UBAP2: variants seen among roughly 807,000 people sequenced by gnomAD.
The protein encoded by UBAP2 is ubiquitin-associated protein 2.
A neutral mutation model predicts 139.6 loss-of-function variants in UBAP2; 75 were observed. The ratio of observed to expected loss-of-function variants is 0.54; its 90% confidence interval spans 0.45 to 0.65. The LOEUF (loss-of-function observed/expected upper bound fraction) is 0.65. Among genes scored for constraint, UBAP2 ranks in the 30% least tolerant of loss-of-function variants. The pLI is 0.00. For missense variants in UBAP2, 1,368 were observed against 1,369.6 expected, an observed-to-expected ratio of 1.00 and a Z score of 0.02; for synonymous variants, 526 against 526.2, an observed-to-expected ratio of 1.00 and a Z score of 0.01.
intron 1 of UBAP2, among the ~76,000 whole-genome samples, chr9:34,047,860 C>G (rs1827742903): frequency 6.6e-6 from 1 of 152,220 alleles, no homozygotes; most frequent in African/African-American, 2.4e-5. Flanking sequence ...TTAGGATACA[C>G]TGGTGCTGTA....
chr9:33,996,169 T>G, intron 4 of UBAP2, 54 bp downstream of exon 4: 1 of 1,356,802 alleles, frequency 7.4e-7, no homozygotes, highest in East Asian at 2.3e-5. Flanking sequence ...GTTGAAAATG[T>G]GCTACGGAAT....
intron 10 of UBAP2, among the ~76,000 whole-genome samples, chr9:33,960,393 C>T (rs893133556): frequency 2.6e-5 from 4 of 152,156 alleles, no homozygotes; most frequent in Admixed American, 1.3e-4. Flanking sequence ...ACCCTGGCTA[C>T]GATACATGCC....
chr9:34,033,390 T>G (rs1395487382), intron 1 of UBAP2, among the ~76,000 whole-genome samples: 1 of 152,174 alleles, frequency 6.6e-6, no homozygotes, highest in East Asian at 1.9e-4. Flanking sequence ...TGTTCTCACT[T>G]AGTTGTGGGA....
intron 2 of UBAP2, among the ~76,000 whole-genome samples, chr9:34,004,652 C>T (rs879497064): frequency 2.6e-5 from 4 of 151,536 alleles, no homozygotes; most frequent in Non-Finnish European, 5.9e-5. Flanking sequence ...AGCGTGGTGG[C>T]GGGCACCTGT....
chr9:34,039,191 G>C (rs1359739731), intron 1 of UBAP2, among the ~76,000 whole-genome samples: 1 of 151,290 alleles, frequency 6.6e-6, no homozygotes, highest in Non-Finnish European at 1.5e-5. Context: ...GGAGGGAGGT[G>C]GGGGGCAGCC....
At chr9:33,922,623 C>T (rs1337340238) in intron 28 of UBAP2, 24 bp from the exon 29 acceptor site, 1 of 1,608,206 alleles carries the variant, frequency 6.2e-7, no homozygotes, top group East Asian at 2.2e-5. Context: ...GAAGGGAAGG[C>T]TGTCAAGGCT....
chr9:34,030,070 G>A (rs957262891), intron 1 of UBAP2, among the ~76,000 whole-genome samples: 1 of 152,066 alleles, frequency 6.6e-6, no homozygotes, highest in Admixed American at 6.6e-5. Flanking sequence ...AGAGGCTGTG[G>A]CAGGAGAGCA....
intron 10 of UBAP2, 121 bp downstream of exon 10, chr9:33,960,704 TG>T: frequency 1.2e-6 from 1 of 862,474 alleles, no homozygotes; most frequent in Non-Finnish European, 1.8e-6. Flanking sequence ...TGCTTGAATC[TG>T]GGAGGCAGAG....
At chr9:33,924,086 G>C in intron 23 of UBAP2, 86 bp from the exon 24 acceptor site, 2 of 1,588,314 alleles carry the variant, frequency 1.3e-6, no homozygotes, top group Non-Finnish European at 1.7e-6. Flanking sequence ...AACAGGTCTG[G>C]CTGCCAGCTC....
chr9:33,953,158 C>T, intron 12 of UBAP2, 127 bp downstream of exon 12: 1 of 951,574 alleles, frequency 1.1e-6, no homozygotes. Flanking sequence ...CATGAGCCAT[C>T]ATGCCCGGCC....
intron 12 of UBAP2, 140 bp from the exon 13 acceptor site, chr9:33,948,727 ATAC>A (rs1306670881): frequency 1.3e-5 from 8 of 627,992 alleles, no homozygotes; most frequent in African/African-American, 1.1e-4. Context: ...AACTTAGAAA[ATAC>A]TACATGAAAA....
At chr9:33,982,441 G>A (rs1013417719) in intron 6 of UBAP2, among the ~76,000 whole-genome samples, 2 of 152,138 alleles carry the variant, frequency 1.3e-5, no homozygotes, top group Non-Finnish European at 2.9e-5. Flanking sequence ...AAAATAGGTA[G>A]GTAGTTTGCC....
intron 2 of UBAP2, among the ~76,000 whole-genome samples, chr9:34,005,707 A>G (rs1823146581): frequency 6.6e-6 from 1 of 152,170 alleles, no homozygotes; most frequent in South Asian, 2.1e-4. Flanking sequence ...AAAAGAAAGC[A>G]AAGTGTCAAA....
chr9:33,983,791 T>G (rs557142112), intron 6 of UBAP2, among the ~76,000 whole-genome samples: 7 of 152,312 alleles, frequency 4.6e-5, no homozygotes, highest in African/African-American at 1.4e-4. Context: ...TACAGAAACC[T>G]GGTCCTAAAT....
At chr9:33,926,947 C>G (rs767664485) in intron 21 of UBAP2, 42 bp downstream of exon 21, 10 of 1,594,322 alleles carry the variant, frequency 6.3e-6, no homozygotes, top group Middle Eastern at 1.7e-4. Flanking sequence ...GCCCCCGAGG[C>G]CAGGGGAGCT....
At chr9:34,012,081 T>C (rs1823800442) in intron 2 of UBAP2, among the ~76,000 whole-genome samples, 2 of 152,228 alleles carry the variant, frequency 1.3e-5, no homozygotes, top group Admixed American at 1.3e-4. Context: ...TCAGGAAGTA[T>C]ACCTTTTCTA....
At chr9:33,955,348 G>A (rs886532797) in intron 11 of UBAP2, among the ~76,000 whole-genome samples, 2 of 151,858 alleles carry the variant, frequency 1.3e-5, no homozygotes, top group Admixed American at 6.6e-5. Flanking sequence ...GTGAAACCCC[G>A]TCTCCACTAA....
At chr9:34,010,427 TAAAAAA>T (rs57695373) in intron 2 of UBAP2, among the ~76,000 whole-genome samples, 4 of 108,332 alleles carry the variant, frequency 3.7e-5, no homozygotes, top group East Asian at 2.7e-4. Context: ...CTCTGCCTCA[TAAAAAA>T]AAAAAAAAAA....
chr9:33,927,182 G>T, intron 20 of UBAP2, 102 bp from the exon 21 acceptor site: 1 of 868,950 alleles, frequency 1.2e-6, no homozygotes, highest in Non-Finnish European at 1.8e-6. Context: ...TACCCCAGAT[G>T]GGTTCAAAGA....
Sources: gnomAD v4.1 joint callset for allele counts (sites outside exome capture counted in the v4.1 genomes callset) on GRCh38, gnomAD v4.1.1 for gene constraint, MANE v1.5 for transcripts, NCBI Gene and HGNC (gene_info 2026-07-23, HGNC 2026-07-21) for gene names.